Variants in SLC35F4 observed in about 807,000 individuals in gnomAD.
SLC35F4 encodes solute carrier family 35 member F4.
SLC35F4 carries 24 observed loss-of-function variants against 44.2 expected under a neutral mutation model. The observed-to-expected ratio is 0.54, with a 90% confidence interval of 0.39 to 0.76. The LOEUF is 0.76. Ranked by LOEUF, SLC35F4 falls within the 30% of genes least tolerant of loss-of-function variation. The probability of loss-of-function intolerance (pLI) is 0.00; values close to 1 mark genes in which losing one functional copy is unlikely to be tolerated. For synonymous variants in SLC35F4, 238 were observed against 223.6 expected (o/e 1.06, Z -0.57); for missense variants, 562 against 586.1 (o/e 0.96, Z 0.42).
At chr14:57,775,450 G>T (rs929556836) in intron 1 of SLC35F4, among the ~76,000 whole-genome samples, 2 of 152,346 alleles carry the variant, frequency 1.3e-5, no homozygotes, top group Non-Finnish European at 2.9e-5. Context: ...GGTACAGCAG[G>T]TTCCTAACCT....
chr14:57,738,465 G>A (rs1371259335), intron 1 of SLC35F4, among the ~76,000 whole-genome samples: 1 of 151,954 alleles, frequency 6.6e-6, no homozygotes, highest in Non-Finnish European at 1.5e-5. Flanking sequence ...TACTGCACAT[G>A]GGTTCTTGCT....
At chr14:57,785,861 A>G (rs1379399428) in intron 1 of SLC35F4, among the ~76,000 whole-genome samples, 1 of 152,128 alleles carries the variant, frequency 6.6e-6, no homozygotes, top group Non-Finnish European at 1.5e-5. Flanking sequence ...CTCTGCAGGG[A>G]GAAGGAATTC....
At chr14:57,944,694 GA>G (rs371437177) in intron 1 of SLC35F4, among the ~76,000 whole-genome samples, 3,097 of 58,672 alleles carry the variant, frequency 0.053, 39 homozygotes, top group African/African-American at 0.11. Context: ...AAGAAAGAAA[GA>G]AAAGAAAGAA....
At chr14:57,580,734 G>A (rs2069185802) in intron 4 of SLC35F4, among the ~76,000 whole-genome samples, 1 of 151,852 alleles carries the variant, frequency 6.6e-6, no homozygotes, top group Non-Finnish European at 1.5e-5. Flanking sequence ...ACTTTTAACA[G>A]CATTGTGCCA....
intron 1 of SLC35F4, among the ~76,000 whole-genome samples, chr14:57,752,007 G>C (rs1163199664): frequency 6.6e-6 from 1 of 151,390 alleles, no homozygotes; most frequent in Non-Finnish European, 1.5e-5. Flanking sequence ...CAAATACATG[G>C]GTAGAGAAAG....
At chr14:57,635,224 T>G in intron 1 of SLC35F4, among the ~76,000 whole-genome samples, 2 of 144,232 alleles carry the variant, frequency 1.4e-5, no homozygotes, top group Admixed American at 7.1e-5. Context: ...ATAGCCTGGG[T>G]GACAAAGCAA....
intron 1 of SLC35F4, among the ~76,000 whole-genome samples, chr14:57,891,438 T>C (rs1595271358): frequency 6.6e-6 from 1 of 151,884 alleles, no homozygotes; most frequent in Non-Finnish European, 1.5e-5. Flanking sequence ...GGCCCAGGAG[T>C]TGGAGTCCAG....
chr14:57,849,896 C>A (rs1432837334), intron 1 of SLC35F4, among the ~76,000 whole-genome samples: 2 of 152,144 alleles, frequency 1.3e-5, no homozygotes, highest in Non-Finnish European at 2.9e-5. Context: ...CACACACACA[C>A]CCCTGAGGAA....
intron 1 of SLC35F4, among the ~76,000 whole-genome samples, chr14:57,672,315 A>G (rs2074546070): frequency 6.6e-6 from 1 of 152,066 alleles, no homozygotes; most frequent in Non-Finnish European, 1.5e-5. Flanking sequence ...GACACGGGGC[A>G]CTATAACCCA....
At chr14:57,597,026 C>G (rs532548332) in intron 1 of SLC35F4, 24 of 461,988 alleles carry the variant, frequency 5.2e-5, no homozygotes, top group Non-Finnish European at 7.4e-5. Context: ...ATTGTCCCAT[C>G]CTCTATGGTC....
chr14:57,801,251 C>T (rs1382859259), intron 1 of SLC35F4, among the ~76,000 whole-genome samples: 2 of 152,178 alleles, frequency 1.3e-5, no homozygotes, highest in Non-Finnish European at 2.9e-5. Flanking sequence ...ACCAGAATTT[C>T]GTATCCAGAC....
At chr14:57,790,043 G>T (rs538606841) in intron 1 of SLC35F4, among the ~76,000 whole-genome samples, 1 of 152,258 alleles carries the variant, frequency 6.6e-6, no homozygotes. Flanking sequence ...ATATCATACT[G>T]AATGGGCAAA....
chr14:57,769,517 C>T (rs1433163067), intron 1 of SLC35F4, among the ~76,000 whole-genome samples: 1 of 152,186 alleles, frequency 6.6e-6, no homozygotes, highest in Non-Finnish European at 1.5e-5. Flanking sequence ...ACAAATCCAT[C>T]ATCTTAACTA....
chr14:57,711,361 T>G (rs2075814045), intron 1 of SLC35F4, among the ~76,000 whole-genome samples: 1 of 152,092 alleles, frequency 6.6e-6, no homozygotes, highest in Non-Finnish European at 1.5e-5. Context: ...TTACCTAGTC[T>G]CGGGTATTTC....
intron 1 of SLC35F4, among the ~76,000 whole-genome samples, chr14:57,951,394 T>C (rs779260375): frequency 5.3e-5 from 8 of 152,146 alleles, no homozygotes; most frequent in Non-Finnish European, 7.3e-5. Flanking sequence ...TGGAGTTTTT[T>C]TTCATACCCC....
chr14:57,911,274 AT>A (rs1337437810), intron 1 of SLC35F4, among the ~76,000 whole-genome samples: 2 of 151,944 alleles, frequency 1.3e-5, no homozygotes, highest in African/African-American at 4.8e-5. Flanking sequence ...TATATCCTTG[AT>A]TTCCTTTACT....
At position 57,721,005 on chromosome 14, in the gene SLC35F4, T is replaced by TATATAC. The variant is rs1555376890; in HGVS notation, c.104-126882_104-126881insGTATAT. Among the ~76,000 whole-genome samples, 1,105 of 123,962 alleles carry TATATAC rather than the reference T, an allele frequency of 8.9e-3. 15 individuals carry two copies. The highest frequency in any genetic ancestry group is 0.015 in the Non-Finnish European group (876 of 57,062). 81.3% of individuals were successfully genotyped at this position (123,962 alleles called of 152,430 possible). A position where few individuals can be genotyped will look rare whatever the true frequency, so the allele number is the denominator to read the frequency against. ...ATATATATATATATATATATATATA[T>TATATAC]ATATATATATGAGTTAATAAACTCC... On this transcript the variant is annotated intron_variant, in intron 1 of 7. Coordinates refer to ENST00000556826, the MANE Select transcript of SLC35F4 (RefSeq NM_001306087.2).
chr14:57,703,013 A>AGATT (rs1397654158), intron 1 of SLC35F4, among the ~76,000 whole-genome samples: 1 of 152,176 alleles, frequency 6.6e-6, no homozygotes, highest in Non-Finnish European at 1.5e-5. Flanking sequence ...GCTACAGTGT[A>AGATT]GATTGATTTT....
intron 2 of SLC35F4, among the ~76,000 whole-genome samples, chr14:57,590,953 T>C (rs971879406): frequency 6.6e-5 from 10 of 152,154 alleles, no homozygotes; most frequent in South Asian, 2.1e-4. Context: ...GATATAATCA[T>C]TGGGGGAAAG....
Sources: allele counts gnomAD v4.1 joint callset (sites outside exome capture counted in the v4.1 genomes callset), GRCh38; gene constraint gnomAD v4.1.1; transcripts MANE v1.5; gene names NCBI Gene and HGNC (gene_info 2026-07-23, HGNC 2026-07-21).